Variants in SYNJ1 observed in about 807,000 individuals in gnomAD.
SYNJ1 encodes polyphosphatidylinositol phosphatase SYNJ1.
A neutral mutation model predicts 168.2 loss-of-function variants in SYNJ1; 78 were observed. That is an observed-to-expected ratio of 0.46 (90% confidence interval 0.39 to 0.56). SYNJ1 has a LOEUF of 0.56. Among genes scored for constraint, SYNJ1 ranks in the 20% least tolerant of loss-of-function variants. The pLI is 0.00. For synonymous variants in SYNJ1, 539 were observed against 548.6 expected (o/e 0.98, Z 0.24); for missense variants, 1,303 against 1,597.6 (o/e 0.82, Z 3.14).
Position 32,699,245 on chromosome 21 carries a change from C to T in SYNJ1, c.479+593G>A, listed in dbSNP as rs139953428. ...AGTGGGCTGACCCTGCTGGAAACACCCCCAAGACATTCTGCATTGTGATCT... is the reference window on the plus strand; with the variant it reads ...AGTGGGCTGACCCTGCTGGAAACACTCCCAAGACATTCTGCATTGTGATCT... On this transcript the variant is annotated intron_variant, in intron 4 of 32. Coordinates refer to ENST00000674351, the MANE Select transcript of SYNJ1 (RefSeq NM_203446.3). Among the ~76,000 whole-genome samples, 200 of 152,292 alleles carry T rather than the reference C, an allele frequency of 1.3e-3. 1 individual carries two copies. Among genetic ancestry groups the T allele is most frequent in the African/African-American group, 4.7e-3 (195 of 41,568 alleles).
rs552603185 is a variant in SYNJ1 at position 32,633,038 on chromosome 21, T to C, written c.*4-1237A>G. Among the ~76,000 whole-genome samples, 3 of 152,100 alleles carry C rather than the reference T, an allele frequency of 2.0e-5. No individual in the cohort carries two copies. In the South Asian group the frequency reaches 6.2e-4, roughly 32 times the overall value. On this transcript the variant is annotated intron_variant, in intron 32 of 32. Transcript: ENST00000674351. ...GCCTCAAAAAACAAAAAACAAAAAC[T>C]GAGTAATGTGACAACTTTCCATAAA...
intron 2 of SYNJ1, among the ~76,000 whole-genome samples, chr21:32,709,205 G>A (rs996359388): frequency 2.6e-5 from 4 of 152,082 alleles, no homozygotes; most frequent in Admixed American, 2.6e-4. Context: ...AACACTGCCG[G>A]TTGGGCACAG....
At chr21:32,637,406 C>CTTTTTT (rs5843562) in intron 31 of SYNJ1, among the ~76,000 whole-genome samples, 467 of 99,860 alleles carry the variant, frequency 4.7e-3, no homozygotes, top group Middle Eastern at 6.1e-3. Flanking sequence ...TTTCTTTTTT[C>CTTTTTT]TTTTTTTTTT....
rs141968932 is a variant in SYNJ1 at position 32,679,568 on chromosome 21, G to A, written c.1354-767C>T. 4.5e-4 allele frequency among the ~76,000 whole-genome samples: 69 copies of A among 152,104 alleles called. 1 individual carries two copies. In the East Asian group the frequency reaches 0.011, roughly 25 times the overall value. On this transcript the variant is annotated intron_variant, in intron 11 of 32. Coordinates refer to ENST00000674351, the MANE Select transcript of SYNJ1 (RefSeq NM_203446.3). ...ATGATTGTCAAAACAAAAAACTTGC[G>A]TCTTTTAGGAAATAACTTCAGTTTG... is the stretch of plus-strand genomic sequence containing the variant.
chr21:32,676,885 T>C (rs2041431488), intron 12 of SYNJ1, among the ~76,000 whole-genome samples: 1 of 152,088 alleles, frequency 6.6e-6, no homozygotes, highest in South Asian at 2.1e-4. Context: ...AAAAATGGGG[T>C]TGGGGTACCA....
intron 1 of SYNJ1, among the ~76,000 whole-genome samples, chr21:32,727,569 C>T (rs969906480): frequency 8.5e-5 from 13 of 152,096 alleles, no homozygotes; most frequent in Non-Finnish European, 1.3e-4. Flanking sequence ...ACCGACCCGA[C>T]TGGGGCTCCT....
chr21:32,646,406 A>G lies in SYNJ1; in HGVS notation c.3234T>C (p.Pro1078=). ...PSRAPSRTPG[P]PSAQSSPIDA... ...TAAAATGCATACTCTGTGCACTGGG[A>G]GGCCCAGGAGTTCTTGACGGTGCTC... The change falls in exon 24 of 33, where the codon CCT becomes CCC. Residue 1078 remains proline, a synonymous_variant. Coordinates refer to ENST00000674351, the MANE Select transcript of SYNJ1 (RefSeq NM_203446.3). The G allele has an allele frequency of 1.2e-6, 2 of 1,614,106 alleles. No homozygotes were observed. Among genetic ancestry groups the G allele is most frequent in the Admixed American group, 3.3e-5 (2 of 60,020 alleles).
rs759229598 is a variant in SYNJ1, at chr21:32,700,120, G to T, written c.212-15C>A. On this transcript the variant is annotated splice_polypyrimidine_tract_variant and intron_variant, in intron 3 of 32. Transcript: ENST00000674351. The stretch of plus-strand genomic sequence containing the variant: ...CATAGTATCACCTGCAAAACCCAAA[G>T]ATTTTACTGGATGAAAAATCCCAAC... 7 of 1,567,910 alleles carry T rather than the reference G, an allele frequency of 4.5e-6. No individual in the cohort carries two copies. The East Asian group carries it at 1.6e-4, about 36-fold the overall frequency.
At chr21:32,654,297 C>G (rs1601297693) in intron 21 of SYNJ1, among the ~76,000 whole-genome samples, 1 of 152,122 alleles carries the variant, frequency 6.6e-6, no homozygotes, top group East Asian at 1.9e-4. Flanking sequence ...AAGTACTTCA[C>G]CCTGGTAAAA....
intron 23 of SYNJ1, 112 bp from the exon 24 acceptor site, chr21:32,646,714 T>C (rs2040088482): frequency 2.7e-6 from 2 of 744,704 alleles, no homozygotes; most frequent in Non-Finnish European, 4.6e-6. Flanking sequence ...GAACATTATG[T>C]CATTGCAAAC....
intron 2 of SYNJ1, among the ~76,000 whole-genome samples, chr21:32,709,504 AAG>A (rs1181442649): frequency 6.7e-6 from 1 of 149,174 alleles, no homozygotes; most frequent in Non-Finnish European, 1.5e-5. Context: ...AAAAAAAAGA[AAG>A]AGATTTTATG....
chr21:32,694,962 A>C, intron 5 of SYNJ1, 95 bp downstream of exon 5: 1 of 1,237,652 alleles, frequency 8.1e-7, no homozygotes, highest in Non-Finnish European at 1.1e-6. Flanking sequence ...TAGATGTTAA[A>C]ATAAGCTCCG....
chr21:32,680,849 T>C (rs953604311), intron 11 of SYNJ1, among the ~76,000 whole-genome samples: 1 of 152,194 alleles, frequency 6.6e-6, no homozygotes, highest in African/African-American at 2.4e-5. Flanking sequence ...ACTCCTGGTC[T>C]CAAGTGATCC....
At position 32,711,566 on chromosome 21, in the gene SYNJ1, A is replaced by G. The variant is rs113290020; in HGVS notation, c.125-9519T>C. Among the ~76,000 whole-genome samples the G allele has an allele frequency of 7.2e-5, 11 of 152,256 alleles. 1 individual carries two copies. The highest frequency in any genetic ancestry group is 2.6e-4 in the African/African-American group (11 of 41,544). ...AGGATGGTCTCGATCTCTTGACCTCATGATCTGCCCACCTCAGCCTCCCAG... is the reference window on the plus strand; with the variant it reads ...AGGATGGTCTCGATCTCTTGACCTCGTGATCTGCCCACCTCAGCCTCCCAG... On this transcript the variant is annotated intron_variant, in intron 2 of 32. Coordinates refer to ENST00000674351, the MANE Select transcript of SYNJ1 (RefSeq NM_203446.3).
chr21:32,637,853 T>A (rs2039650626), intron 31 of SYNJ1, among the ~76,000 whole-genome samples: 1 of 152,246 alleles, frequency 6.6e-6, no homozygotes, highest in Admixed American at 6.5e-5. Flanking sequence ...CTGCTAACTT[T>A]ATTCATATTG....
chr21:32,722,095 A>G (rs1342301478), intron 2 of SYNJ1, among the ~76,000 whole-genome samples: 1 of 151,604 alleles, frequency 6.6e-6, no homozygotes, highest in Admixed American at 6.6e-5. Flanking sequence ...TGATGCGGGA[A>G]AATCACTTGA....
intron 2 of SYNJ1, among the ~76,000 whole-genome samples, chr21:32,708,189 A>G (rs2042685057): frequency 6.6e-6 from 1 of 152,208 alleles, no homozygotes; most frequent in African/African-American, 2.4e-5. Flanking sequence ...ATGGTTGCTA[A>G]CTAGGGTTTA....
intron 4 of SYNJ1, among the ~76,000 whole-genome samples, chr21:32,696,794 A>G (rs1033581660): frequency 2.0e-5 from 3 of 152,208 alleles, no homozygotes; most frequent in Admixed American, 6.5e-5. Flanking sequence ...CTGGAAAACC[A>G]GCTATGACCC....
rs2043555401 is a variant in SYNJ1 at position 32,727,998 on chromosome 21, C to T, written c.-75G>A. On this transcript the variant is annotated 5_prime_UTR_variant, in exon 1 of 33. Coordinates refer to ENST00000674351, the MANE Select transcript of SYNJ1 (RefSeq NM_203446.3). Reference sequence around the variant, plus strand: ...CTCCCGCAGCCGCCGCCACAGCCGCCGGGAGCGTCACTTCCGCTCCAGCAG... The same window carrying T: ...CTCCCGCAGCCGCCGCCACAGCCGCTGGGAGCGTCACTTCCGCTCCAGCAG... 2 of 1,536,224 alleles carry T rather than the reference C, an allele frequency of 1.3e-6. No individual in the cohort carries two copies. The highest frequency in any genetic ancestry group is 1.7e-6 in the Non-Finnish European group (2 of 1,146,008).
Sources: allele counts gnomAD v4.1 joint callset (sites outside exome capture counted in the v4.1 genomes callset), GRCh38; gene constraint gnomAD v4.1.1; transcripts MANE v1.5; gene names NCBI Gene and HGNC (gene_info 2026-07-23, HGNC 2026-07-21).